Variants in PHKB observed in about 807,000 individuals in gnomAD.
PHKB encodes the protein phosphorylase kinase regulatory subunit beta.
PHKB carries 122 observed loss-of-function variants against 152.1 expected under a neutral mutation model. The observed-to-expected ratio is 0.80, with a 90% CI of 0.69 to 0.93. PHKB has a LOEUF of 0.93. Ranked by LOEUF, PHKB falls within the 40% of genes least tolerant of loss-of-function variation. The probability of loss-of-function intolerance (pLI) is 0.00; values close to 1 mark genes in which losing one functional copy is unlikely to be tolerated. For missense variants in PHKB, 1,304 were observed against 1,328.4 expected, an observed-to-expected ratio of 0.98 and a Z score of 0.29; for synonymous variants, 436 against 464.9, an observed-to-expected ratio of 0.94 and a Z score of 0.80.
At chr16:47,549,983 C>T (rs951220361) in intron 7 of PHKB, among the ~76,000 whole-genome samples, 1 of 152,086 alleles carries the variant, frequency 6.6e-6, no homozygotes. Context: ...TGAAGTTTGT[C>T]GTTTAAGTTT....
At chr16:47,520,099 A>G (rs750976871) in intron 6 of PHKB, among the ~76,000 whole-genome samples, 1 of 152,186 alleles carries the variant, frequency 6.6e-6, no homozygotes, top group Non-Finnish European at 1.5e-5. Flanking sequence ...AAAAGTTGGA[A>G]CAAATCTTTT....
chr16:47,507,841 C>A (rs555188104), intron 4 of PHKB, among the ~76,000 whole-genome samples: 31 of 152,296 alleles, frequency 2.0e-4, no homozygotes, highest in Non-Finnish European at 4.0e-4. Flanking sequence ...CTCACCATAC[C>A]TTCACATCTT....
At chr16:47,695,392 T>G (rs1266935073) in intron 28 of PHKB, among the ~76,000 whole-genome samples, 1 of 152,226 alleles carries the variant, frequency 6.6e-6, no homozygotes, top group African/African-American at 2.4e-5. Flanking sequence ...GGGCTTTATT[T>G]TCCCCAAATT....
At chr16:47,565,225 G>T in intron 7 of PHKB, 1 of 656,616 alleles carries the variant, frequency 1.5e-6, no homozygotes, top group Middle Eastern at 4.5e-4. Flanking sequence ...GATCCTTTTT[G>T]CCATCTTTCC....
At chr16:47,587,807 A>T in intron 9 of PHKB, 44 bp downstream of exon 9, 2 of 1,313,210 alleles carry the variant, frequency 1.5e-6, no homozygotes, top group South Asian at 1.2e-5. Flanking sequence ...ACTATTGTTT[A>T]TGATTTCTAT....
intron 25 of PHKB, chr16:47,666,023 G>C: frequency 6.2e-7 from 1 of 1,608,346 alleles, no homozygotes; most frequent in Non-Finnish European, 8.5e-7. Flanking sequence ...TTTTAGTGCA[G>C]GGCAAACAGG....
intron 4 of PHKB, among the ~76,000 whole-genome samples, chr16:47,511,461 C>T (rs562978300): frequency 6.6e-6 from 1 of 152,178 alleles, no homozygotes; most frequent in Admixed American, 6.6e-5. Context: ...TGTGAAATAT[C>T]AATTGAGAAT....
intron 26 of PHKB, among the ~76,000 whole-genome samples, chr16:47,674,382 C>T (rs1199555258): frequency 6.6e-6 from 1 of 152,026 alleles, no homozygotes; most frequent in Non-Finnish European, 1.5e-5. Flanking sequence ...GTGGTTTTTG[C>T]CATTGAAAGT....
chr16:47,507,347 G>C (rs1245752063), intron 4 of PHKB, among the ~76,000 whole-genome samples: 2 of 151,620 alleles, frequency 1.3e-5, no homozygotes, highest in Admixed American at 6.6e-5. Context: ...CTATGATGTA[G>C]ACCATTAGCA....
At chr16:47,557,932 C>T (rs542493641) in intron 7 of PHKB, among the ~76,000 whole-genome samples, 1 of 152,170 alleles carries the variant, frequency 6.6e-6, no homozygotes, top group East Asian at 1.9e-4. Context: ...GACACATGCA[C>T]ACATATGTTT....
chr16:47,664,490 T>C (rs908909770), intron 24 of PHKB: 4 of 210,940 alleles, frequency 1.9e-5, no homozygotes, highest in Non-Finnish European at 2.9e-5. Flanking sequence ...CTCAGGTTTC[T>C]AATCCCTAAA....
intron 14 of PHKB, among the ~76,000 whole-genome samples, chr16:47,632,291 A>T (rs1300235216): frequency 6.6e-6 from 1 of 152,170 alleles, no homozygotes; most frequent in Admixed American, 6.5e-5. Context: ...ATTTCCAGAG[A>T]TTTCAGTGTA....
chr16:47,572,806 T>C (rs745629412), intron 7 of PHKB, among the ~76,000 whole-genome samples: 24 of 152,190 alleles, frequency 1.6e-4, no homozygotes, highest in East Asian at 1.9e-4. Context: ...AGCAGCCTGA[T>C]TGGTGTGAGT....
At chr16:47,687,335 C>T (rs947380168) in intron 26 of PHKB, among the ~76,000 whole-genome samples, 12 of 152,318 alleles carry the variant, frequency 7.9e-5, no homozygotes, top group South Asian at 2.1e-4. Context: ...GCAGCTTTAA[C>T]GTCAAAGCAT....
intron 14 of PHKB, among the ~76,000 whole-genome samples, chr16:47,613,420 C>G (rs1306339889): frequency 6.6e-6 from 1 of 152,034 alleles, no homozygotes; most frequent in Admixed American, 6.6e-5. Context: ...TACTAAAGGT[C>G]GGTTATGTAG....
At chr16:47,644,469 T>C (rs1216833466) in intron 16 of PHKB, among the ~76,000 whole-genome samples, 1 of 152,170 alleles carries the variant, frequency 6.6e-6, no homozygotes, top group East Asian at 1.9e-4. Flanking sequence ...CAAACCCAAC[T>C]CTCACATAGA....
intron 1 of PHKB, among the ~76,000 whole-genome samples, chr16:47,496,512 T>A (rs1275930004): frequency 6.6e-6 from 1 of 152,094 alleles, no homozygotes; most frequent in East Asian, 1.9e-4. Context: ...AAATTATAGG[T>A]TCATTTTTGT....
chr16:47,566,502 T>G, intron 7 of PHKB: 2 of 1,607,132 alleles, frequency 1.2e-6, no homozygotes, highest in Non-Finnish European at 1.7e-6. Flanking sequence ...CTTCTCTGGA[T>G]TGCTGGGTTC....
Position 47,461,733 on chromosome 16 carries a change from A to G in PHKB, c.76+307A>G, listed in dbSNP as rs367705697. On this transcript the variant is annotated intron_variant, in intron 1 of 30. Transcript: ENST00000323584. ...TAACTTAAAAATCGGGCGGCGGCAC[A>G]TTCCTGGGAAAGGGAATGTGTCTTC... is the stretch of plus-strand genomic sequence containing the variant. Among the ~76,000 whole-genome samples the G allele has an allele frequency of 1.6e-4, 24 of 152,328 alleles. No individual in the cohort carries two copies. In the East Asian group the frequency reaches 4.6e-3, roughly 29 times the overall value.
Sources: gnomAD v4.1 joint callset for allele counts (sites outside exome capture counted in the v4.1 genomes callset) on GRCh38, gnomAD v4.1.1 for gene constraint, MANE v1.5 for transcripts, NCBI Gene and HGNC (gene_info 2026-07-23, HGNC 2026-07-21) for gene names.